The following RBFOX3 variants were observed in gnomAD, a reference collection of about 807,000 sequenced individuals.
The protein encoded by RBFOX3 is RNA binding protein fox-1 homolog 3.
Under a neutral mutation model 48.7 loss-of-function variants are expected in RBFOX3, and 17 were observed. That is an observed-to-expected ratio of 0.35 (90% CI 0.24 to 0.52). The LOEUF is 0.52. Among genes scored for constraint, RBFOX3 ranks in the 20% least tolerant of loss-of-function variants. The pLI is 0.94. For synonymous variants in RBFOX3, 212 were observed against 209.5 expected (o/e 1.01, Z -0.10); for missense variants, 382 against 497.5 (o/e 0.77, Z 2.21).
At chr17:79,629,646 T>A in the RBFOX3 span, among the ~76,000 whole-genome samples, 1 of 152,190 alleles carries the variant, frequency 6.6e-6, no homozygotes, top group African/African-American at 2.4e-5. Context: ...TATAGGAATT[T>A]ACCCTAAGGA....
intron 4 of RBFOX3, among the ~76,000 whole-genome samples, chr17:79,124,912 C>T (rs1212881043): frequency 6.6e-6 from 1 of 151,736 alleles, no homozygotes; most frequent in Admixed American, 6.6e-5. Context: ...GGTGGACTGA[C>T]CTTGTCTCGG....
At chr17:79,305,753 A>C (rs950732323) in intron 3 of RBFOX3, among the ~76,000 whole-genome samples, 1 of 152,190 alleles carries the variant, frequency 6.6e-6, no homozygotes, top group African/African-American at 2.4e-5. Flanking sequence ...CATTTTTCAG[A>C]CTTTAATTGC....
chr17:79,187,454 C>T (rs2053644095), intron 4 of RBFOX3, among the ~76,000 whole-genome samples: 1 of 152,214 alleles, frequency 6.6e-6, no homozygotes, highest in African/African-American at 2.4e-5. Context: ...GCCGAGCCTT[C>T]ATCGACAAAT....
chr17:79,276,588 C>T (rs568748243), intron 3 of RBFOX3, among the ~76,000 whole-genome samples: 9 of 152,030 alleles, frequency 5.9e-5, no homozygotes, highest in East Asian at 3.9e-4. Flanking sequence ...GGGAGGCTGA[C>T]GCAGGAGAAT....
intron 2 of RBFOX3, among the ~76,000 whole-genome samples, chr17:79,318,673 C>T (rs1031617662): frequency 7.9e-5 from 12 of 151,466 alleles, no homozygotes; most frequent in Non-Finnish European, 1.3e-4. Context: ...GCTAACACGG[C>T]GAAACCCTGT....
intron 2 of RBFOX3, among the ~76,000 whole-genome samples, chr17:79,365,129 A>G (rs112403461): frequency 0.023 from 2,591 of 115,104 alleles, 34 homozygotes; most frequent in African/African-American, 0.055. Context: ...GGATGTGCGC[A>G]CACACACACA....
intron 5 of RBFOX3, among the ~76,000 whole-genome samples, chr17:79,114,143 G>A (rs774690189): frequency 2.6e-5 from 4 of 152,232 alleles, no homozygotes; most frequent in Non-Finnish European, 5.9e-5. Flanking sequence ...GACCCAGCCT[G>A]CTCTAGCGTG....
intron 4 of RBFOX3, among the ~76,000 whole-genome samples, chr17:79,144,783 G>C (rs1293632796): frequency 6.6e-6 from 1 of 152,210 alleles, no homozygotes; most frequent in African/African-American, 2.4e-5. Flanking sequence ...CAGGAAGGCA[G>C]AGCTCAGGTG....
intron 1 of RBFOX3, among the ~76,000 whole-genome samples, chr17:79,606,736 G>A (rs905913492): frequency 3.3e-5 from 5 of 152,292 alleles, no homozygotes; most frequent in African/African-American, 7.2e-5. Flanking sequence ...AACAGGCCCC[G>A]CCGGGTATGC....
chr17:79,372,081 C>A (rs75778566), intron 2 of RBFOX3, among the ~76,000 whole-genome samples: 16,034 of 152,018 alleles, frequency 0.11, 1,217 homozygotes, highest in East Asian at 0.29. Context: ...GGTGAATGCA[C>A]CCTCTAAACG....
At chr17:79,635,942 C>T in the RBFOX3 span, among the ~76,000 whole-genome samples, 1 of 152,060 alleles carries the variant, frequency 6.6e-6, no homozygotes, top group Admixed American at 6.5e-5. Flanking sequence ...AAAAAGACAC[C>T]ATTTGATACA....
At chr17:79,109,848 G>A (rs924526468) in intron 5 of RBFOX3, among the ~76,000 whole-genome samples, 3 of 152,234 alleles carry the variant, frequency 2.0e-5, no homozygotes, top group South Asian at 2.1e-4. Context: ...GGGAGCAGCC[G>A]AGGATGAGGC....
chr17:79,204,514 C>T lies in RBFOX3; in HGVS notation c.-34+31252G>A, dbSNP rs147992081. On this transcript the variant is annotated intron_variant, in intron 4 of 14. Coordinates refer to ENST00000693108, the MANE Select transcript of RBFOX3 (RefSeq NM_001350451.2). The surrounding 1 kb of genome is among the most constrained non-coding windows in gnomAD (Gnocchi z 4.5). ...ACCGACAGCATTCAGTCAACGAGGT[C>T]GACGCGCTGGAACTACTTTGGTGGA... Among the ~76,000 whole-genome samples, 589 of 152,258 alleles carry T rather than the reference C, an allele frequency of 3.9e-3. 3 individuals are homozygous for T. The highest frequency in any genetic ancestry group is 9.8e-3 in the Admixed American group (150 of 15,298).
chr17:79,501,954 G>A (rs969515940), intron 1 of RBFOX3, among the ~76,000 whole-genome samples: 2 of 152,196 alleles, frequency 1.3e-5, no homozygotes, highest in Non-Finnish European at 2.9e-5. Flanking sequence ...GGTGGATGGG[G>A]CATGTTGGCA....
In RBFOX3 at chr17:79,398,420, G is replaced by C. The variant is rs531699964; in HGVS notation, c.-175+84034C>G. Among the ~76,000 whole-genome samples, 157 of 152,286 alleles carry C rather than the reference G, an allele frequency of 1.0e-3. 1 individual carries two copies. The highest frequency in any genetic ancestry group is 3.5e-3 in the African/African-American group (147 of 41,556). On this transcript the variant is annotated intron_variant, in intron 2 of 14. Transcript: ENST00000693108. ...GTGAACTGGCGAGGCCTGGCAGGAG[G>C]ACACAGCCTGACGATATCTGTCAGC... is the stretch of plus-strand genomic sequence containing the variant.
intron 3 of RBFOX3, among the ~76,000 whole-genome samples, chr17:79,303,851 C>CTCTGTGTGTG (rs1555657051): frequency 7.8e-4 from 115 of 147,876 alleles, no homozygotes; most frequent in African/African-American, 2.6e-3. Flanking sequence ...GCATGTCTGC[C>CTCTGTGTGTG]TGTGTGTGTG....
At chr17:79,320,342 T>C (rs12449829) in intron 2 of RBFOX3, among the ~76,000 whole-genome samples, 149,544 of 152,308 alleles carry the variant, frequency 0.98, 73,469 homozygotes, top group East Asian at 1. Context: ...CTACCAGTGC[T>C]GGCAGCCTCT....
chr17:79,474,258 T>A (rs1479451473), intron 2 of RBFOX3, among the ~76,000 whole-genome samples: 1 of 152,232 alleles, frequency 6.6e-6, no homozygotes, highest in African/African-American at 2.4e-5. Flanking sequence ...CTTGATCATT[T>A]TGAATCTAAA....
chr17:79,316,171 G>A lies in RBFOX3; in HGVS notation c.-174-8347C>T, dbSNP rs554601350. 4.6e-5 allele frequency among the ~76,000 whole-genome samples: 7 copies of A among 152,240 alleles called. No homozygotes were observed. In the South Asian group the frequency reaches 1.5e-3, roughly 32 times the overall value. On this transcript the variant is annotated intron_variant, in intron 2 of 14. Coordinates refer to ENST00000693108, the MANE Select transcript of RBFOX3 (RefSeq NM_001350451.2). ...GCGCGGAAGAGGAGAAGGGGTGGCTGGTGATGGTGGAGGGTGGAGGGGCTG... is the reference window on the plus strand; with the variant it reads ...GCGCGGAAGAGGAGAAGGGGTGGCTAGTGATGGTGGAGGGTGGAGGGGCTG...
Sources: gnomAD v4.1 joint callset for allele counts (sites outside exome capture counted in the v4.1 genomes callset) on GRCh38, gnomAD v4.1.1 for gene constraint, Gnocchi (gnomAD v3.1) non-coding constraint, MANE v1.5 for transcripts, NCBI Gene and HGNC (gene_info 2026-07-23, HGNC 2026-07-21) for gene names.